Variants in PARVB observed in about 807,000 individuals in gnomAD.
PARVB encodes beta-parvin.
Under a neutral mutation model 47.0 loss-of-function variants are expected in PARVB, and 46 were observed. The observed-to-expected ratio is 0.98, with a 90% CI of 0.77 to 1.25. PARVB has a LOEUF of 1.25. Among genes scored for constraint, PARVB ranks in the 50% most tolerant of loss-of-function variants. PARVB has a pLI of 0.00. For synonymous variants in PARVB, 196 were observed against 196.3 expected, an observed-to-expected ratio of 1.00 and a Z score of 0.01; for missense variants, 473 against 471.6, an observed-to-expected ratio of 1.00 and a Z score of -0.03.
chr22:44,152,331 G>A (rs941650915), intron 10 of PARVB: 2 of 151,906 alleles, frequency 1.3e-5, no homozygotes, highest in Non-Finnish European at 2.9e-5. Flanking sequence ...TGTATTTTTA[G>A]TAAAGACGGG....
chr22:44,024,260 G>A, upstream of PARVB: 2 of 791,738 alleles, frequency 2.5e-6, no homozygotes, highest in Non-Finnish European at 3.1e-6. Flanking sequence ...CCGGCGGCGG[G>A]GCCGCGCCCT....
chr22:44,013,778 G>C (rs1006951841), intron 2 of PARVB, among the ~76,000 whole-genome samples: 3 of 152,056 alleles, frequency 2.0e-5, no homozygotes, highest in African/African-American at 7.2e-5. Flanking sequence ...GATTACAGGT[G>C]CCCGCCACCA....
At chr22:44,166,644 G>T (rs2054174512) in intron 12 of PARVB, among the ~76,000 whole-genome samples, 1 of 152,218 alleles carries the variant, frequency 6.6e-6, no homozygotes, top group Non-Finnish European at 1.5e-5. Flanking sequence ...AGGGTCCCTT[G>T]GGTGTCCCAG....
intron 2 of PARVB, among the ~76,000 whole-genome samples, chr22:44,096,177 G>A (rs1487718347): frequency 6.6e-6 from 1 of 152,144 alleles, no homozygotes; most frequent in Admixed American, 6.5e-5. Context: ...GTGAGCCGAG[G>A]TTGCACCACT....
intron 1 of PARVB, among the ~76,000 whole-genome samples, chr22:44,035,718 A>G (rs1472533945): frequency 6.6e-6 from 1 of 151,928 alleles, no homozygotes; most frequent in East Asian, 1.9e-4. Flanking sequence ...GGTGCTTTGT[A>G]TGAGTCCCAT....
intron 4 of PARVB, among the ~76,000 whole-genome samples, chr22:44,122,791 G>T (rs536783272): frequency 4.5e-4 from 69 of 152,108 alleles, no homozygotes; most frequent in African/African-American, 1.6e-3. Context: ...TGCTTGTTTC[G>T]CTTAATATGT....
intron 1 of PARVB, among the ~76,000 whole-genome samples, chr22:44,066,804 C>CCTCCTCCTCCTCCTTCTCCTT (rs1555898498): frequency 7.6e-6 from 1 of 131,086 alleles, no homozygotes; most frequent in East Asian, 2.7e-4. Context: ...TCCTCCTCCT[C>CCTCCTCCTCCTCCTTCTCCTT]CTCCTCCTCC....
In PARVB at chr22:44,054,359, C is replaced by T. The variant is rs576892065; in HGVS notation, c.112+29908C>T. On this transcript the variant is annotated intron_variant, in intron 1 of 12. Transcript: ENST00000338758. The stretch of plus-strand genomic sequence containing the variant: ...CCTCCCTAGTAGCAGGCACTACAGC[C>T]GCGCACTACAACGCTTGGCTAACTT... 1.3e-4 allele frequency among the ~76,000 whole-genome samples: 20 copies of T among 152,274 alleles called. No homozygotes were observed. In the East Asian group the frequency reaches 1.4e-3, roughly 10 times the overall value.
In PARVB at chr22:44,171,376, T is replaced by C. The variant is rs1457243634; in HGVS notation, c.*2698T>C. 1 of 151,778 alleles carries C rather than the reference T, an allele frequency of 6.6e-6. No homozygotes were observed. The highest frequency in any genetic ancestry group is 2.4e-5 in the African/African-American group (1 of 41,282). The allele number at this position is 151,778 out of a possible 1,614,324, so 9.4% of individuals were successfully genotyped here. A position where few individuals can be genotyped will look rare whatever the true frequency, so the allele number is the denominator to read the frequency against. The stretch of plus-strand genomic sequence containing the variant: ...CCATGCATGGTATGTATGCCTGTAA[T>C]CCCAGCTATTCGGGAGGCTGAGGCA... On this transcript the variant is annotated 3_prime_UTR_variant, in exon 13 of 13. Coordinates refer to ENST00000338758, the MANE Select transcript of PARVB (RefSeq NM_013327.5).
chr22:44,030,337 C>G (rs1377045148), intron 1 of PARVB, among the ~76,000 whole-genome samples: 1 of 152,212 alleles, frequency 6.6e-6, no homozygotes, highest in Non-Finnish European at 1.5e-5. Flanking sequence ...GTGGTCCTGG[C>G]TGAATGTCTA....
At chr22:44,134,650 T>C (rs1344550794) in intron 6 of PARVB, among the ~76,000 whole-genome samples, 2 of 152,154 alleles carry the variant, frequency 1.3e-5, no homozygotes, top group Non-Finnish European at 2.9e-5. Flanking sequence ...TAGAGCCGCC[T>C]TCTGTCTTCT....
intron 3 of PARVB, chr22:44,113,260 C>G (rs2052757719): frequency 9.5e-6 from 1 of 105,804 alleles, no homozygotes; most frequent in Non-Finnish European, 1.9e-5. Flanking sequence ...GGCCCTGCAC[C>G]AACACAGATA....
At chr22:44,134,448 G>A (rs1180089008) in intron 6 of PARVB, among the ~76,000 whole-genome samples, 4 of 152,234 alleles carry the variant, frequency 2.6e-5, no homozygotes, top group African/African-American at 9.6e-5. Flanking sequence ...CTCAGAAACT[G>A]GAGTATTTCC....
intron 2 of PARVB, among the ~76,000 whole-genome samples, chr22:44,014,248 G>A (rs1225409750): frequency 6.6e-6 from 1 of 152,190 alleles, no homozygotes; most frequent in Non-Finnish European, 1.5e-5. Flanking sequence ...AAGGGAGGTT[G>A]ACTGAGATCA....
intron 3 of PARVB, among the ~76,000 whole-genome samples, chr22:44,117,442 A>T (rs1364509183): frequency 1.3e-5 from 2 of 151,522 alleles, no homozygotes; most frequent in African/African-American, 2.4e-5. Flanking sequence ...CAGCCCTGGG[A>T]CTCCCAGGCC....
At chr22:44,127,907 C>A (rs1024697873) in intron 4 of PARVB, among the ~76,000 whole-genome samples, 1 of 152,164 alleles carries the variant, frequency 6.6e-6, no homozygotes, top group African/African-American at 2.4e-5. Flanking sequence ...ACCTCAGCTT[C>A]CCCGGGAAGC....
chr22:44,073,424 G>A (rs931778765), intron 1 of PARVB, among the ~76,000 whole-genome samples: 2 of 152,210 alleles, frequency 1.3e-5, no homozygotes, highest in Non-Finnish European at 2.9e-5. Context: ...AACCCAGGAG[G>A]CAGAGGTTGC....
At chr22:44,086,270 C>T (rs938361023) in intron 1 of PARVB, among the ~76,000 whole-genome samples, 1 of 152,220 alleles carries the variant, frequency 6.6e-6, no homozygotes, top group African/African-American at 2.4e-5. Context: ...CCACTTGAAA[C>T]GTCAAGAAGC....
chr22:44,038,601 C>T (rs1257120438), intron 1 of PARVB, among the ~76,000 whole-genome samples: 1 of 151,986 alleles, frequency 6.6e-6, no homozygotes, highest in African/African-American at 2.4e-5. Flanking sequence ...GCCAACATGG[C>T]AAAACCCCAT....
Sources: gnomAD v4.1 joint callset for allele counts (sites outside exome capture counted in the v4.1 genomes callset) on GRCh38, gnomAD v4.1.1 for gene constraint, MANE v1.5 for transcripts, NCBI Gene and HGNC (gene_info 2026-07-23, HGNC 2026-07-21) for gene names.